TRDN: variants seen among roughly 807,000 people sequenced by gnomAD.
TRDN encodes the protein triadin, also known as triadin in skeletal muscle.
A neutral mutation model predicts 149.7 loss-of-function variants in TRDN; 161 were observed. The observed-to-expected ratio is 1.08, with a 90% CI of 0.95 to 1.23. TRDN has a LOEUF of 1.23. Among genes scored for constraint, TRDN ranks in the 50% most tolerant of loss-of-function variants. The pLI is 0.00. For missense variants in TRDN, 896 were observed against 823.5 expected (o/e 1.09, Z -1.08); for synonymous variants, 294 against 250.5 (o/e 1.17, Z -1.64).
rs1776902614 is a variant in TRDN, at chr6:123,265,310, A to G, written c.1804+8T>C. 1.4e-6 allele frequency: 2 copies of G among 1,415,770 alleles called. No homozygotes were observed. Among genetic ancestry groups the G allele is most frequent in the Non-Finnish European group, 1.9e-6 (2 of 1,059,766 alleles). The allele number at this position is 1,415,770 out of a possible 1,614,324, so 87.7% of individuals were successfully genotyped here. A position where few individuals can be genotyped will look rare whatever the true frequency, so the allele number is the denominator to read the frequency against. On this transcript the variant is annotated splice_region_variant and intron_variant, in intron 33 of 40. Coordinates refer to ENST00000334268, the MANE Select transcript of TRDN (RefSeq NM_006073.4). ...GACAATTTTAAAATTCTAAAATGGT[A>G]CACTTACTTGGAGTTGGTTTTGGTT...
chr6:123,237,104 T>C (rs959897648), intron 38 of TRDN, among the ~76,000 whole-genome samples: 3 of 152,148 alleles, frequency 2.0e-5, no homozygotes, highest in African/African-American at 7.2e-5. Flanking sequence ...TTTCAACATA[T>C]AGATCATATA....
intron 1 of TRDN, among the ~76,000 whole-genome samples, chr6:123,628,158 C>A (rs1275511194): frequency 6.6e-6 from 1 of 152,182 alleles, no homozygotes; most frequent in Non-Finnish European, 1.5e-5. Flanking sequence ...TAGCTTTCAG[C>A]CTATCTTGGC....
At chr6:123,329,277 A>G (rs1315596107) in intron 23 of TRDN, among the ~76,000 whole-genome samples, 1 of 152,180 alleles carries the variant, frequency 6.6e-6, no homozygotes, top group African/African-American at 2.4e-5. Context: ...CTATTTAAGT[A>G]TTATAAGATT....
chr6:123,401,875 A>C (rs1023436253), intron 12 of TRDN, among the ~76,000 whole-genome samples: 1 of 148,542 alleles, frequency 6.7e-6, no homozygotes, highest in South Asian at 2.2e-4. Flanking sequence ...TGAACCCGGG[A>C]GGTGGAGGTT....
At chr6:123,599,394 A>T (rs780178843) in intron 1 of TRDN, among the ~76,000 whole-genome samples, 4 of 152,090 alleles carry the variant, frequency 2.6e-5, no homozygotes, top group Non-Finnish European at 5.9e-5. Context: ...ACTCATTCAT[A>T]ACTACCATTG....
intron 9 of TRDN, among the ~76,000 whole-genome samples, chr6:123,476,813 G>T (rs952060778): frequency 4.6e-5 from 7 of 151,492 alleles, no homozygotes; most frequent in Admixed American, 2.0e-4. Context: ...ATGGGGAAAG[G>T]ATTCCCTATT....
intron 8 of TRDN, chr6:123,502,271 C>G: frequency 1.1e-6 from 1 of 929,508 alleles, no homozygotes; most frequent in Non-Finnish European, 1.3e-6. Flanking sequence ...CTTACTTCAT[C>G]CTTTTTGTCT....
chr6:123,598,117 A>G (rs906345026), intron 1 of TRDN, among the ~76,000 whole-genome samples: 10 of 152,048 alleles, frequency 6.6e-5, no homozygotes, highest in African/African-American at 2.4e-4. Flanking sequence ...TTTGCTGGGG[A>G]CCCTAGAGGT....
chr6:123,433,786 G>C (rs1774439383), intron 12 of TRDN: 1 of 152,084 alleles, frequency 6.6e-6, no homozygotes, highest in South Asian at 2.1e-4. Context: ...GTTTACAATT[G>C]TAACTATGAA....
intron 9 of TRDN, among the ~76,000 whole-genome samples, chr6:123,495,068 A>G (rs1778386707): frequency 6.6e-6 from 1 of 151,842 alleles, no homozygotes; most frequent in Non-Finnish European, 1.5e-5. Flanking sequence ...TTATTTTGAG[A>G]CAGGGTCTCA....
Position 123,570,939 on chromosome 6 carries a change from A to G in TRDN, c.216T>C (p.Asp72=). 6.2e-7 allele frequency: 1 copy of G among 1,613,556 alleles called. No homozygotes were observed. The change falls in exon 2 of 41, where the codon GAT becomes GAC. Residue 72 remains aspartate (D), a synonymous_variant. Transcript: ENST00000334268. ...GGAACTTACCTGAAAAGTTTTTGTA[A>G]TCCACTAAATCAAACATAACGATGG... ...AVAIVMFDLV[D]YKNFSASSIA...
At chr6:123,543,963 T>G (rs1050229693) in intron 4 of TRDN, among the ~76,000 whole-genome samples, 1 of 152,060 alleles carries the variant, frequency 6.6e-6, no homozygotes, top group African/African-American at 2.4e-5. Flanking sequence ...AATTTTAAAT[T>G]TCCTCCATAT....
intron 1 of TRDN, among the ~76,000 whole-genome samples, chr6:123,629,696 G>A (rs1785876408): frequency 6.6e-6 from 1 of 152,022 alleles, no homozygotes; most frequent in Non-Finnish European, 1.5e-5. Flanking sequence ...CAGTTTATGA[G>A]GAAACAGCTC....
intron 23 of TRDN, among the ~76,000 whole-genome samples, chr6:123,324,701 T>C (rs1283418039): frequency 6.6e-6 from 1 of 152,186 alleles, no homozygotes; most frequent in African/African-American, 2.4e-5. Context: ...TGTACACATG[T>C]TGCTGTATAT....
At chr6:123,590,742 G>A (rs937478583) in intron 1 of TRDN, among the ~76,000 whole-genome samples, 18 of 152,030 alleles carry the variant, frequency 1.2e-4, no homozygotes, top group African/African-American at 2.4e-4. Context: ...CAGCCTGGGC[G>A]AAAGAGTGAG....
intron 1 of TRDN, among the ~76,000 whole-genome samples, chr6:123,601,382 C>A (rs917110843): frequency 1.3e-5 from 2 of 152,104 alleles, no homozygotes; most frequent in African/African-American, 4.8e-5. Context: ...CTTTTGTTCA[C>A]CCCTGTGGTA....
At chr6:123,352,234 G>A (rs1780486748) in intron 21 of TRDN, 1 of 984,690 alleles carries the variant, frequency 1.0e-6, no homozygotes, top group Non-Finnish European at 1.2e-6. Flanking sequence ...ATAGGAATAT[G>A]TCTACCAGTT....
At chr6:123,260,672 A>G in intron 33 of TRDN, 34 bp from the exon 34 acceptor site, 2 of 1,406,100 alleles carry the variant, frequency 1.4e-6, no homozygotes, top group Non-Finnish European at 9.4e-7. Flanking sequence ...ATGTAGAAAG[A>G]AAGGAAAAAA....
intron 1 of TRDN, among the ~76,000 whole-genome samples, chr6:123,604,533 G>A (rs1784433986): frequency 6.6e-6 from 1 of 152,152 alleles, no homozygotes; most frequent in South Asian, 2.1e-4. Flanking sequence ...TTTGTATTTT[G>A]GAAAGCTTAT....
Sources: allele counts gnomAD v4.1 joint callset (sites outside exome capture counted in the v4.1 genomes callset), GRCh38; gene constraint gnomAD v4.1.1; transcripts MANE v1.5; gene names NCBI Gene and HGNC (gene_info 2026-07-23, HGNC 2026-07-21).